TRPC6: variants seen among roughly 807,000 people sequenced by gnomAD.
TRPC6 encodes the protein short transient receptor potential channel 6.
A neutral mutation model predicts 90.7 loss-of-function variants in TRPC6; 55 were observed. The ratio of observed to expected loss-of-function variants is 0.61; its 90% CI spans 0.49 to 0.76. The LOEUF (loss-of-function observed/expected upper bound fraction) is 0.76. Among genes scored for constraint, TRPC6 ranks in the 30% least tolerant of loss-of-function variants. TRPC6 has a pLI of 0.00. For synonymous variants in TRPC6, 393 were observed against 393.0 expected, an observed-to-expected ratio of 1.00 and a Z score of 0.00; for missense variants, 989 against 1,122.7, an observed-to-expected ratio of 0.88 and a Z score of 1.70.
At chr11:101,506,806 T>C (rs891681446) in intron 1 of TRPC6, among the ~76,000 whole-genome samples, 1 of 152,172 alleles carries the variant, frequency 6.6e-6, no homozygotes, top group East Asian at 1.9e-4. Flanking sequence ...AAGTTATACA[T>C]GTGCATATTT....
Position 101,553,752 on chromosome 11 carries a change from C to T in TRPC6, c.170+29582G>A, listed in dbSNP as rs555658067. Among the ~76,000 whole-genome samples, 4 of 152,180 alleles carry T rather than the reference C, an allele frequency of 2.6e-5. No homozygotes were observed. In the East Asian group the frequency reaches 7.7e-4, roughly 29 times the overall value. On this transcript the variant is annotated intron_variant, in intron 1 of 12. Coordinates refer to ENST00000344327, the MANE Select transcript of TRPC6 (RefSeq NM_004621.6). Reference sequence around the variant, plus strand: ...ATAAGCTCCTCTATTTTATTCACATCTCTTTTGGCTCCCATAGCTACTTTT... The same window carrying T: ...ATAAGCTCCTCTATTTTATTCACATTTCTTTTGGCTCCCATAGCTACTTTT...
At chr11:101,528,209 G>A (rs1860826767) in intron 1 of TRPC6, among the ~76,000 whole-genome samples, 1 of 150,672 alleles carries the variant, frequency 6.6e-6, no homozygotes, top group African/African-American at 2.4e-5. Context: ...TGTGTAATAG[G>A]AAAGGTAAAA....
intron 1 of TRPC6, among the ~76,000 whole-genome samples, chr11:101,576,946 G>A (rs919436665): frequency 6.6e-6 from 1 of 152,142 alleles, no homozygotes; most frequent in African/African-American, 2.4e-5. Flanking sequence ...GTTACCAGTA[G>A]AGTTGATTAC....
At chr11:101,557,304 G>A (rs909613091) in intron 1 of TRPC6, among the ~76,000 whole-genome samples, 3 of 152,158 alleles carry the variant, frequency 2.0e-5, no homozygotes, top group Non-Finnish European at 4.4e-5. Context: ...GCAATGATCC[G>A]AGACTGTGCC....
chr11:101,464,085 G>C (rs573100813), intron 10 of TRPC6, among the ~76,000 whole-genome samples: 1 of 152,280 alleles, frequency 6.6e-6, no homozygotes, highest in East Asian at 1.9e-4. Flanking sequence ...TTCAGGAGCA[G>C]GTTGTTCAGT....
intron 1 of TRPC6, among the ~76,000 whole-genome samples, chr11:101,570,423 C>T (rs1861935787): frequency 6.6e-6 from 1 of 152,198 alleles, no homozygotes; most frequent in South Asian, 2.1e-4. Flanking sequence ...GACGGATTTA[C>T]AGCCAAATTC....
chr11:101,559,370 A>G (rs1339200184), intron 1 of TRPC6, among the ~76,000 whole-genome samples: 2 of 152,188 alleles, frequency 1.3e-5, no homozygotes, highest in African/African-American at 4.8e-5. Flanking sequence ...GACAATTATA[A>G]ATTGCCAATT....
In TRPC6 at chr11:101,558,057, A is replaced by C. The variant is rs532373718; in HGVS notation, c.170+25277T>G. 1.2e-4 allele frequency among the ~76,000 whole-genome samples: 19 copies of C among 152,102 alleles called. No individual in the cohort carries two copies. The South Asian group carries it at 3.9e-3, about 32-fold the overall frequency. ...CTAAAATTCATATGGAACTGCAAAA[A>C]TCCTCAAATAGCCAAGGCAATTCAT... On this transcript the variant is annotated intron_variant, in intron 1 of 12. Transcript: ENST00000344327.
intron 11 of TRPC6, among the ~76,000 whole-genome samples, chr11:101,454,600 A>G (rs1211088648): frequency 6.6e-6 from 1 of 151,558 alleles, no homozygotes; most frequent in Non-Finnish European, 1.5e-5. Context: ...GCTGATTTAT[A>G]TAGTATTATA....
intron 1 of TRPC6, among the ~76,000 whole-genome samples, chr11:101,516,879 T>G (rs946605126): frequency 6.6e-6 from 1 of 152,238 alleles, no homozygotes; most frequent in Non-Finnish European, 1.5e-5. Flanking sequence ...ACACATTACC[T>G]CAGAGGCGAG....
chr11:101,518,912 A>G (rs1260120765), intron 1 of TRPC6, among the ~76,000 whole-genome samples: 1 of 152,186 alleles, frequency 6.6e-6, no homozygotes, highest in Non-Finnish European at 1.5e-5. Context: ...AGTGGAGATC[A>G]TTATGTTAAG....
chr11:101,484,634 T>G (rs536114955), intron 4 of TRPC6, among the ~76,000 whole-genome samples: 26 of 142,596 alleles, frequency 1.8e-4, no homozygotes, highest in Non-Finnish European at 3.5e-4. Flanking sequence ...TGTGTGTGTG[T>G]GTATGAGTGC....
At position 101,452,899 on chromosome 11, in the gene TRPC6, A is replaced by C. The variant is rs1321556920; in HGVS notation, c.*56T>G. On this transcript the variant is annotated 3_prime_UTR_variant, in exon 13 of 13. Coordinates refer to ENST00000344327, the MANE Select transcript of TRPC6 (RefSeq NM_004621.6). ...TTGGCACTTAAGAAAATAAATCAGA[A>C]AATAATATGGCTTCAAGTGGACAAA... The C allele has an allele frequency of 6.2e-7, 1 of 1,605,116 alleles. No individual in the cohort carries two copies. Among genetic ancestry groups the C allele is most frequent in the Admixed American group, 1.7e-5 (1 of 59,598 alleles).
At chr11:101,572,673 C>T (rs1008485498) in intron 1 of TRPC6, among the ~76,000 whole-genome samples, 19 of 152,150 alleles carry the variant, frequency 1.2e-4, no homozygotes, top group African/African-American at 3.9e-4. Flanking sequence ...GAATACTATG[C>T]AGCCATAAAA....
At chr11:101,453,833 T>G (rs1368758384) in intron 11 of TRPC6, 108 bp from the exon 12 acceptor site, 11 of 1,021,454 alleles carry the variant, frequency 1.1e-5, no homozygotes, top group Non-Finnish European at 1.7e-5. Flanking sequence ...CCTTTGGAAG[T>G]GATGGCTGTC....
chr11:101,536,947 G>T (rs915005957), intron 1 of TRPC6, among the ~76,000 whole-genome samples: 70 of 152,302 alleles, frequency 4.6e-4, no homozygotes, highest in African/African-American at 1.7e-3. Context: ...ATGGAAAGGG[G>T]TTGATGAATT....
intron 1 of TRPC6, among the ~76,000 whole-genome samples, chr11:101,518,942 A>G (rs1029671886): frequency 7.2e-5 from 11 of 152,216 alleles, no homozygotes; most frequent in African/African-American, 2.7e-4. Context: ...CCAGGTACGG[A>G]AAGACAAGCT....
At chr11:101,484,448 C>T (rs1342216540) in intron 4 of TRPC6, among the ~76,000 whole-genome samples, 1 of 152,092 alleles carries the variant, frequency 6.6e-6, no homozygotes, top group Admixed American at 6.6e-5. Flanking sequence ...TCGGTGTTCT[C>T]TATTTCCCTA....
intron 1 of TRPC6, among the ~76,000 whole-genome samples, chr11:101,539,143 C>T (rs10895132): frequency 0.24 from 36,451 of 152,064 alleles, 4,517 homozygotes; most frequent in Admixed American, 0.28. Context: ...GAATGTTTTT[C>T]GTTTCTTTCC....
Sources: allele counts gnomAD v4.1 joint callset (sites outside exome capture counted in the v4.1 genomes callset), GRCh38; gene constraint gnomAD v4.1.1; transcripts MANE v1.5; gene names NCBI Gene and HGNC (gene_info 2026-07-23, HGNC 2026-07-21).